The following ZBTB20 variants were observed in gnomAD, a reference collection of about 807,000 sequenced individuals.
ZBTB20 encodes the protein zinc finger and BTB domain-containing protein 20.
ZBTB20 carries 9 observed loss-of-function variants against 56.9 expected under a neutral mutation model. The observed-to-expected ratio is 0.16, with a 90% CI of 0.10 to 0.28. The LOEUF (loss-of-function observed/expected upper bound fraction) is 0.28. Among genes scored for constraint, ZBTB20 ranks in the 10% least tolerant of loss-of-function variants. The pLI is 1.00. For synonymous variants in ZBTB20, 417 were observed against 420.7 expected, an observed-to-expected ratio of 0.99 and a Z score of 0.11; for missense variants, 655 against 1,003.0, an observed-to-expected ratio of 0.65 and a Z score of 4.69.
At chr3:114,778,239 G>GT (rs2069772563) in intron 5 of ZBTB20, among the ~76,000 whole-genome samples, 1 of 122,556 alleles carries the variant, frequency 8.2e-6, no homozygotes, top group African/African-American at 3.7e-5. Context: ...AAAACTTAAA[G>GT]TATGTTAATA....
chr3:114,912,462 T>G (rs2075580293), intron 3 of ZBTB20, among the ~76,000 whole-genome samples: 1 of 151,844 alleles, frequency 6.6e-6, no homozygotes, highest in African/African-American at 2.4e-5. Flanking sequence ...TTTAAACTTT[T>G]TATTTTAATA....
intron 1 of ZBTB20, among the ~76,000 whole-genome samples, chr3:115,114,041 T>C (rs1240570980): frequency 1.4e-4 from 22 of 152,082 alleles, no homozygotes; most frequent in Non-Finnish European, 5.9e-5. Flanking sequence ...TTACAGAACA[T>C]GCAGCAATAG....
intron 7 of ZBTB20, among the ~76,000 whole-genome samples, chr3:114,478,208 C>T (rs1391514659): frequency 6.6e-6 from 1 of 152,164 alleles, no homozygotes; most frequent in Non-Finnish European, 1.5e-5. Context: ...TCAGGTGATC[C>T]GCCTGCCTCG....
chr3:114,694,008 T>C (rs1388065842), intron 5 of ZBTB20, among the ~76,000 whole-genome samples: 1 of 152,140 alleles, frequency 6.6e-6, no homozygotes, highest in Non-Finnish European at 1.5e-5. Context: ...CTGGTTTCTC[T>C]TTGTTTTTAG....
In ZBTB20 at chr3:114,671,503, G is replaced by C. The variant is rs183055630; in HGVS notation, c.-295+22025C>G. ...GCTGATGCTGAGAAAGATACAAAAT[G>C]TGCTTTTACAAGGATATCATATCAA... is the stretch of plus-strand genomic sequence containing the variant. On this transcript the variant is annotated intron_variant, in intron 6 of 11. Coordinates refer to ENST00000675478, the MANE Select transcript of ZBTB20 (RefSeq NM_001348800.3). Among the ~76,000 whole-genome samples, 596 of 152,078 alleles carry C rather than the reference G, an allele frequency of 3.9e-3. 1 individual carries two copies. The highest frequency in any genetic ancestry group is 0.013 in the African/African-American group (552 of 41,492).
At position 114,895,207 on chromosome 3, in the gene ZBTB20, G is replaced by A. The variant is rs546358624; in HGVS notation, c.-417+5097C>T. On this transcript the variant is annotated intron_variant, in intron 4 of 11. Coordinates refer to ENST00000675478, the MANE Select transcript of ZBTB20 (RefSeq NM_001348800.3). ...CTTACCACACTAATTTCCTTCTCAA[G>A]AAAAAATAAAACCTTACACAGCGAT... Among the ~76,000 whole-genome samples the A allele has an allele frequency of 6.2e-4, 94 of 152,208 alleles. 2 individuals carry two copies. Among genetic ancestry groups the A allele is most frequent in the African/African-American group, 2.1e-3 (88 of 41,548 alleles).
At chr3:115,015,840 T>C (rs1325609316) in intron 2 of ZBTB20, among the ~76,000 whole-genome samples, 1 of 151,952 alleles carries the variant, frequency 6.6e-6, no homozygotes, top group Non-Finnish European at 1.5e-5. Flanking sequence ...TACCCAGTAA[T>C]GGGATTGCTG....
chr3:114,647,897 G>A (rs1464591799), intron 6 of ZBTB20, among the ~76,000 whole-genome samples: 1 of 151,988 alleles, frequency 6.6e-6, no homozygotes, highest in Non-Finnish European at 1.5e-5. Context: ...GAAAACATTA[G>A]GAGTAGAAGA....
intron 3 of ZBTB20, among the ~76,000 whole-genome samples, chr3:114,910,811 T>A (rs932797577): frequency 6.6e-6 from 1 of 152,070 alleles, no homozygotes; most frequent in Non-Finnish European, 1.5e-5. Flanking sequence ...TATTTACTCA[T>A]CTTTCTTAAT....
intron 4 of ZBTB20, among the ~76,000 whole-genome samples, chr3:114,893,443 A>T (rs1279154933): frequency 6.6e-6 from 1 of 152,224 alleles, no homozygotes; most frequent in African/African-American, 2.4e-5. Context: ...GTCATGAACA[A>T]GTTCTGCTTT....
intron 1 of ZBTB20, among the ~76,000 whole-genome samples, chr3:115,103,226 T>G (rs148706863): frequency 5.6e-4 from 86 of 152,306 alleles, no homozygotes; most frequent in Non-Finnish European, 1.0e-3. Flanking sequence ...ATGGGGCAAT[T>G]TGGTTCTGTA....
At chr3:114,553,517 T>G (rs543603635) in intron 6 of ZBTB20, among the ~76,000 whole-genome samples, 4 of 152,238 alleles carry the variant, frequency 2.6e-5, no homozygotes, top group African/African-American at 7.2e-5. Context: ...GCTATAGAGA[T>G]GAACTATAGC....
At chr3:114,710,251 G>C (rs1172759296) in intron 5 of ZBTB20, 1 of 152,018 alleles carries the variant, frequency 6.6e-6, no homozygotes, top group Non-Finnish European at 1.5e-5. Flanking sequence ...CATATAATAT[G>C]GGACATGTAT....
At chr3:114,803,786 T>C (rs547699261) in intron 4 of ZBTB20, among the ~76,000 whole-genome samples, 2 of 150,024 alleles carry the variant, frequency 1.3e-5, no homozygotes, top group African/African-American at 4.9e-5. Context: ...TCTGTTTTTT[T>C]TTTTTTTTTT....
At chr3:114,428,104 T>C (rs868798652) in intron 7 of ZBTB20, among the ~76,000 whole-genome samples, 2 of 152,134 alleles carry the variant, frequency 1.3e-5, no homozygotes, top group South Asian at 2.1e-4. Context: ...AAGGGCACAA[T>C]TTGGGGCCTT....
intron 4 of ZBTB20, among the ~76,000 whole-genome samples, chr3:114,842,082 G>C (rs924807915): frequency 3.3e-5 from 5 of 152,072 alleles, no homozygotes; most frequent in African/African-American, 9.7e-5. Context: ...AGATAAGCAG[G>C]GTGGGCAACA....
chr3:114,759,383 T>C (rs2068272748), intron 5 of ZBTB20: 1 of 152,142 alleles, frequency 6.6e-6, no homozygotes, highest in Admixed American at 6.6e-5. Context: ...GTTTACAATA[T>C]AGAGGACATC....
chr3:114,742,892 A>G (rs2108603520), intron 5 of ZBTB20, among the ~76,000 whole-genome samples: 1 of 152,264 alleles, frequency 6.6e-6, no homozygotes, highest in Non-Finnish European at 1.5e-5. Flanking sequence ...GTAAAGAAGA[A>G]TTGTTGGGTG....
chr3:114,977,543 T>C (rs1190044010), intron 2 of ZBTB20, among the ~76,000 whole-genome samples: 1 of 152,100 alleles, frequency 6.6e-6, no homozygotes, highest in Non-Finnish European at 1.5e-5. Context: ...GGGTAAATGT[T>C]ACAAGTAACA....
Sources: allele counts gnomAD v4.1 joint callset (sites outside exome capture counted in the v4.1 genomes callset), GRCh38; gene constraint gnomAD v4.1.1; transcripts MANE v1.5; gene names NCBI Gene and HGNC (gene_info 2026-07-23, HGNC 2026-07-21).